Variants in PALLD observed in about 807,000 individuals in gnomAD.
PALLD encodes palladin.
In PALLD, 61 loss-of-function variants were observed where a neutral mutation model predicts 123.5. That is an observed-to-expected ratio of 0.49 (90% CI 0.40 to 0.61). The LOEUF (loss-of-function observed/expected upper bound fraction) is 0.61. Ranked by LOEUF, PALLD falls within the 20% of genes least tolerant of loss-of-function variation. The pLI is 0.00. For synonymous variants in PALLD, 465 were observed against 496.4 expected (o/e 0.94, Z 0.84); for missense variants, 1,273 against 1,377.0 (o/e 0.92, Z 1.20).
chr4:168,681,206 T>G, intron 3 of PALLD, 126 bp from the exon 4 acceptor site: 1 of 668,900 alleles, frequency 1.5e-6, no homozygotes, highest in Non-Finnish European at 2.7e-6. Context: ...AATCACTCTA[T>G]TTTATTGTGT....
At chr4:168,604,871 GT>G (rs1180549305) in intron 2 of PALLD, among the ~76,000 whole-genome samples, 2 of 152,154 alleles carry the variant, frequency 1.3e-5, no homozygotes, top group Non-Finnish European at 2.9e-5. Flanking sequence ...AACTGATAGA[GT>G]TTTCTGTAAA....
chr4:168,533,394 A>G (rs1286841067), intron 2 of PALLD, among the ~76,000 whole-genome samples: 1 of 152,212 alleles, frequency 6.6e-6, no homozygotes, highest in Non-Finnish European at 1.5e-5. Flanking sequence ...GGCCTGAATC[A>G]AGGAATGTTT....
rs570022351 is a variant in PALLD, at chr4:168,851,436, C to T, written c.1965-39486C>T. Among the ~76,000 whole-genome samples, 8 of 150,306 alleles carry T rather than the reference C, an allele frequency of 5.3e-5. No individual in the cohort carries two copies. In the South Asian group the frequency reaches 1.5e-3, roughly 27 times the overall value. On this transcript the variant is annotated intron_variant, in intron 10 of 21. Transcript: ENST00000505667. ...AGGCTGGAGTGCAATGGCGCAATCT[C>T]GGCTCACTGCAACCTCTGCCTCCCG...
At chr4:168,910,775 A>T (rs868070783) in intron 15 of PALLD, among the ~76,000 whole-genome samples, 4 of 152,314 alleles carry the variant, frequency 2.6e-5, no homozygotes, top group Middle Eastern at 3.4e-3. Flanking sequence ...ACAAACTTAG[A>T]CTGATTCCAG....
At chr4:168,731,414 T>A (rs746557040) in intron 10 of PALLD, among the ~76,000 whole-genome samples, 1 of 152,162 alleles carries the variant, frequency 6.6e-6, no homozygotes, top group Non-Finnish European at 1.5e-5. Flanking sequence ...TGACCTTAGA[T>A]AAGCTACTCA....
rs887513464 is a variant in PALLD, at chr4:168,683,111, T to C, written c.1260+8T>C. ...TCTGTCCCTGTGCAACAGGTAAGTATGCTTTGAGCCAGAGCCCATAAGGGG... is the reference window on the plus strand; with the variant it reads ...TCTGTCCCTGTGCAACAGGTAAGTACGCTTTGAGCCAGAGCCCATAAGGGG... On this transcript the variant is annotated splice_region_variant and intron_variant, in intron 5 of 21. Coordinates refer to ENST00000505667, the MANE Select transcript of PALLD (RefSeq NM_001166108.2). 4.8e-5 allele frequency: 74 copies of C among 1,553,922 alleles called. No individual in the cohort carries two copies. In the East Asian group the frequency reaches 1.4e-3, roughly 30 times the overall value.
chr4:168,917,707 AG>A (rs1229237113), intron 17 of PALLD, among the ~76,000 whole-genome samples: 1 of 152,100 alleles, frequency 6.6e-6, no homozygotes, highest in Non-Finnish European at 1.5e-5. Flanking sequence ...ATGTATAAAA[AG>A]AATAAATATA....
intron 2 of PALLD, among the ~76,000 whole-genome samples, chr4:168,592,174 G>A (rs987406682): frequency 2.6e-5 from 4 of 151,886 alleles, no homozygotes; most frequent in Admixed American, 1.3e-4. Context: ...GCACCACCAC[G>A]CACCTGTAAG....
chr4:168,916,133 C>A, intron 17 of PALLD, 106 bp downstream of exon 17: 2 of 1,141,442 alleles, frequency 1.8e-6, no homozygotes, highest in Non-Finnish European at 2.6e-6. Context: ...AAAATGAGAG[C>A]TGGGCACAGT....
At chr4:168,858,580 G>C (rs1165653876) in intron 10 of PALLD, among the ~76,000 whole-genome samples, 1 of 151,824 alleles carries the variant, frequency 6.6e-6, no homozygotes, top group African/African-American at 2.4e-5. Flanking sequence ...CTTAGGAATT[G>C]GAGACCAGCT....
At chr4:168,557,501 C>T (rs1383384213) in intron 2 of PALLD, among the ~76,000 whole-genome samples, 1 of 152,190 alleles carries the variant, frequency 6.6e-6, no homozygotes, top group Admixed American at 6.5e-5. Context: ...GCCATTAAAT[C>T]ATATTCATTA....
intron 15 of PALLD, among the ~76,000 whole-genome samples, chr4:168,911,952 T>G (rs1480831037): frequency 6.6e-6 from 1 of 152,170 alleles, no homozygotes. Flanking sequence ...TAATTCCTCA[T>G]TCTTCTCCTG....
Position 168,878,136 on chromosome 4 carries a change from G to C in PALLD, c.1965-12786G>C. On this transcript the variant is annotated intron_variant, in intron 10 of 21. Coordinates refer to ENST00000505667, the MANE Select transcript of PALLD (RefSeq NM_001166108.2). ...GGCGCTGAGCCCGAGGCCCCGTGGG[G>C]CTCCTCCTCGCCGTCGCCCCCGCCC... The C allele has an allele frequency of 6.7e-7, 1 of 1,486,226 alleles. No individual in the cohort carries two copies. The highest frequency in any genetic ancestry group is 8.9e-7 in the Non-Finnish European group (1 of 1,125,400). 92.1% of individuals were successfully genotyped at this position (1,486,226 alleles called of 1,614,324 possible).
intron 10 of PALLD, among the ~76,000 whole-genome samples, chr4:168,879,763 T>A (rs1752360582): frequency 6.6e-6 from 1 of 152,214 alleles, no homozygotes; most frequent in Admixed American, 6.5e-5. Flanking sequence ...AAGAAACAAG[T>A]CCAAAAAAGG....
At chr4:168,866,991 TATAAG>T (rs944393001) in intron 10 of PALLD, among the ~76,000 whole-genome samples, 5 of 152,128 alleles carry the variant, frequency 3.3e-5, no homozygotes, top group African/African-American at 9.7e-5. Flanking sequence ...ACATGGTAAA[TATAAG>T]ATAAGTCGTG....
intron 1 of PALLD, among the ~76,000 whole-genome samples, chr4:168,502,412 G>A (rs1309211132): frequency 6.6e-6 from 1 of 152,088 alleles, no homozygotes; most frequent in Admixed American, 6.5e-5. Context: ...TTAACACAAT[G>A]TCTGACCTAT....
At chr4:168,776,677 T>G (rs926073460) in intron 10 of PALLD, among the ~76,000 whole-genome samples, 2 of 152,208 alleles carry the variant, frequency 1.3e-5, no homozygotes, top group African/African-American at 2.4e-5. Flanking sequence ...TTTCCTTCTA[T>G]TCCTAGTTCA....
At chr4:168,599,577 C>T (rs1444078510) in intron 2 of PALLD, among the ~76,000 whole-genome samples, 3 of 152,058 alleles carry the variant, frequency 2.0e-5, no homozygotes, top group Admixed American at 1.3e-4. Context: ...TAATGGATAT[C>T]AACAATATAA....
At chr4:168,877,352 T>C (rs1751886427) in intron 10 of PALLD, among the ~76,000 whole-genome samples, 1 of 152,198 alleles carries the variant, frequency 6.6e-6, no homozygotes, top group African/African-American at 2.4e-5. Context: ...TTACCAAAAA[T>C]TGGCTACGAA....
Sources: allele counts gnomAD v4.1 joint callset (sites outside exome capture counted in the v4.1 genomes callset), GRCh38; gene constraint gnomAD v4.1.1; transcripts MANE v1.5; gene names NCBI Gene and HGNC (gene_info 2026-07-23, HGNC 2026-07-21).